The following STPG2 variants were observed in gnomAD, a reference collection of about 807,000 sequenced individuals.
STPG2 encodes the protein sperm tail PG-rich repeat containing 2.
A neutral mutation model predicts 54.2 loss-of-function variants in STPG2; 56 were observed. The observed-to-expected ratio is 1.03, with a 90% CI of 0.83 to 1.29. The LOEUF (loss-of-function observed/expected upper bound fraction) is 1.29. Among genes scored for constraint, STPG2 ranks in the 50% most tolerant of loss-of-function variants. STPG2 has a pLI of 0.00. For synonymous variants in STPG2, 200 were observed against 181.8 expected, an observed-to-expected ratio of 1.10 and a Z score of -0.81; for missense variants, 596 against 544.9, an observed-to-expected ratio of 1.09 and a Z score of -0.93.
chr4:97,740,950 C>T (rs1469504064), intron 9 of STPG2, among the ~76,000 whole-genome samples: 1 of 152,144 alleles, frequency 6.6e-6, no homozygotes, highest in Non-Finnish European at 1.5e-5. Context: ...ATCATGCTAC[C>T]TGACTTCAAA....
intron 3 of STPG2, among the ~76,000 whole-genome samples, chr4:98,112,155 T>C (rs1030930135): frequency 1.3e-5 from 2 of 152,090 alleles, no homozygotes; most frequent in Non-Finnish European, 2.9e-5. Context: ...TACCACATAA[T>C]GATGTTTCAA....
At chr4:97,873,554 A>C (rs1388799968) in intron 8 of STPG2, among the ~76,000 whole-genome samples, 1 of 151,358 alleles carries the variant, frequency 6.6e-6, no homozygotes, top group Non-Finnish European at 1.5e-5. Context: ...CTTCTCTTTT[A>C]ATATGTAATG....
intron 4 of STPG2, among the ~76,000 whole-genome samples, chr4:97,507,529 C>A (rs969288260): frequency 6.6e-6 from 1 of 152,024 alleles, no homozygotes; most frequent in African/African-American, 2.4e-5. Context: ...AAAGTTGGTG[C>A]AAATCCCACA....
intron 5 of STPG2, among the ~76,000 whole-genome samples, chr4:97,995,702 T>C (rs868076462): frequency 2.6e-5 from 4 of 152,180 alleles, no homozygotes; most frequent in Non-Finnish European, 4.4e-5. Flanking sequence ...GAACCCTGCA[T>C]GGGGTTACCA....
chr4:98,043,950 T>C (rs556180342), intron 5 of STPG2, among the ~76,000 whole-genome samples: 4 of 152,070 alleles, frequency 2.6e-5, no homozygotes, highest in African/African-American at 9.6e-5. Flanking sequence ...TAGGCCCCAG[T>C]GTCTGTTGTT....
intron 9 of STPG2, among the ~76,000 whole-genome samples, chr4:97,736,665 C>G (rs1223268433): frequency 1.3e-5 from 2 of 152,196 alleles, no homozygotes; most frequent in African/African-American, 4.8e-5. Flanking sequence ...GGAGGGGCAC[C>G]TGTCATTGCC....
intron 8 of STPG2, among the ~76,000 whole-genome samples, chr4:97,915,621 A>T (rs756705885): frequency 1.3e-5 from 2 of 152,044 alleles, no homozygotes; most frequent in Non-Finnish European, 2.9e-5. Flanking sequence ...GAGGTCAGGA[A>T]GGCTTATGTT....
intron 8 of STPG2, among the ~76,000 whole-genome samples, chr4:97,845,818 C>T (rs1399346054): frequency 4.6e-5 from 7 of 152,182 alleles, no homozygotes; most frequent in Admixed American, 4.6e-4. Flanking sequence ...GTAGAAGAGA[C>T]CTTCCTATGT....
chr4:97,455,079 A>G (rs916900243), intron 4 of STPG2, among the ~76,000 whole-genome samples: 2 of 152,178 alleles, frequency 1.3e-5, no homozygotes, highest in Non-Finnish European at 2.9e-5. Flanking sequence ...CTAGACACAG[A>G]TCTTATAACC....
intron 8 of STPG2, among the ~76,000 whole-genome samples, chr4:97,942,668 T>A (rs1175205761): frequency 6.6e-6 from 1 of 152,120 alleles, no homozygotes; most frequent in Admixed American, 6.6e-5. Context: ...TTATATTAAC[T>A]AGCATTGCAT....
rs1338642306 is a variant in STPG2 at position 97,705,596 on chromosome 4, G to T, written c.1320+7103C>A. On this transcript the variant is annotated intron_variant, in intron 10 of 10. Transcript: ENST00000295268. ...CCACCTCAGCCTCCCAAAGTTCTAG[G>T]ATTACAGGTGTGAGCCACTGTGCCA... 2.0e-5 allele frequency among the ~76,000 whole-genome samples: 3 copies of T among 151,916 alleles called. No homozygotes were observed. In the East Asian group the frequency reaches 5.8e-4, roughly 29 times the overall value.
At chr4:97,575,734 T>C (rs534570912) in intron 10 of STPG2, among the ~76,000 whole-genome samples, 3 of 152,248 alleles carry the variant, frequency 2.0e-5, no homozygotes, top group Non-Finnish European at 2.9e-5. Context: ...TCACCACTCT[T>C]ATTTGCCATA....
intron 10 of STPG2, among the ~76,000 whole-genome samples, chr4:97,585,283 A>C (rs1240980639): frequency 6.6e-6 from 1 of 151,948 alleles, no homozygotes; most frequent in African/African-American, 2.4e-5. Flanking sequence ...TAAATGCAGG[A>C]TATCCAGTGA....
At chr4:97,477,600 C>T (rs1730106861) in intron 4 of STPG2, among the ~76,000 whole-genome samples, 1 of 151,536 alleles carries the variant, frequency 6.6e-6, no homozygotes, top group South Asian at 2.1e-4. Flanking sequence ...CCTCAGCCTC[C>T]CAAGTAGCTG....
At chr4:98,084,269 T>A (rs999791002) in intron 5 of STPG2, among the ~76,000 whole-genome samples, 3 of 152,202 alleles carry the variant, frequency 2.0e-5, no homozygotes, top group African/African-American at 7.2e-5. Flanking sequence ...GTTTTATGAA[T>A]GAGTCATTCT....
In STPG2 at chr4:97,801,210, C is replaced by A. The variant is rs568513369; in HGVS notation, c.1204+39563G>T. 2.2e-3 allele frequency among the ~76,000 whole-genome samples: 329 copies of A among 152,266 alleles called. 1 individual carries two copies. Among genetic ancestry groups the A allele is most frequent in the Non-Finnish European group, 2.6e-3 (177 of 68,006 alleles). On this transcript the variant is annotated intron_variant, in intron 9 of 10. Coordinates refer to ENST00000295268, the MANE Select transcript of STPG2 (RefSeq NM_174952.3). ...TGTCCTGCACCCACCGTCCAGCAAGCCCCAGTGAGATGAATCCAGTACCTC... is the reference window on the plus strand; with the variant it reads ...TGTCCTGCACCCACCGTCCAGCAAGACCCAGTGAGATGAATCCAGTACCTC...
At chr4:97,991,747 C>A (rs1464661751) in intron 5 of STPG2, among the ~76,000 whole-genome samples, 1 of 152,036 alleles carries the variant, frequency 6.6e-6, no homozygotes, top group Non-Finnish European at 1.5e-5. Flanking sequence ...TCCCTTTTCA[C>A]CACATCCATG....
rs189496184 is a variant in STPG2 at position 97,666,863 on chromosome 4, C to T, written c.1320+45836G>A. Among the ~76,000 whole-genome samples, 630 of 152,262 alleles carry T rather than the reference C, an allele frequency of 4.1e-3. 3 individuals are homozygous for T. The highest frequency in any genetic ancestry group is 0.02 in the South Asian group (98 of 4,828). On this transcript the variant is annotated intron_variant, in intron 10 of 10. Coordinates refer to ENST00000295268, the MANE Select transcript of STPG2 (RefSeq NM_174952.3). ...ATTCCAAAGACCTGAACTATGTCAG[C>T]TCATTTCATCCACCACCAGAACCAC...
intron 4 of STPG2, among the ~76,000 whole-genome samples, chr4:97,526,761 C>G (rs1731289332): frequency 6.6e-6 from 1 of 152,144 alleles, no homozygotes; most frequent in East Asian, 1.9e-4. Context: ...ATGCCTATGT[C>G]CTGAATGGTA....
Sources: allele counts gnomAD v4.1 joint callset (sites outside exome capture counted in the v4.1 genomes callset), GRCh38; gene constraint gnomAD v4.1.1; transcripts MANE v1.5; gene names NCBI Gene and HGNC (gene_info 2026-07-23, HGNC 2026-07-21).